ZNF385D: variants seen among roughly 807,000 people sequenced by gnomAD.
ZNF385D encodes zinc finger protein 385D.
Under a neutral mutation model 35.8 loss-of-function variants are expected in ZNF385D, and 15 were observed. The ratio of observed to expected loss-of-function variants is 0.42; its 90% CI spans 0.28 to 0.64. The LOEUF (loss-of-function observed/expected upper bound fraction) is 0.64. Among genes scored for constraint, ZNF385D ranks in the 30% least tolerant of loss-of-function variants. The pLI, the probability that ZNF385D is intolerant of heterozygous loss-of-function variation, is 0.23. For missense variants in ZNF385D, 474 were observed against 494.6 expected (o/e 0.96, Z 0.39); for synonymous variants, 212 against 186.8 (o/e 1.13, Z -1.10).
At chr3:22,023,540 C>T (rs1456196163) in intron 3 of ZNF385D, among the ~76,000 whole-genome samples, 2 of 152,088 alleles carry the variant, frequency 1.3e-5, no homozygotes, top group African/African-American at 4.8e-5. Flanking sequence ...TGTTACAATG[C>T]TTCTTCCCTC....
chr3:21,601,023 C>T (rs1409093754), intron 2 of ZNF385D, among the ~76,000 whole-genome samples: 1 of 151,828 alleles, frequency 6.6e-6, no homozygotes, highest in Non-Finnish European at 1.5e-5. Flanking sequence ...GCCTATGGAA[C>T]ACTTACTATT....
intron 1 of ZNF385D, among the ~76,000 whole-genome samples, chr3:21,741,914 T>C (rs556240410): frequency 1.3e-5 from 2 of 152,232 alleles, no homozygotes; most frequent in African/African-American, 4.8e-5. Context: ...AAGAATAGAT[T>C]AGATGTGGCC....
At chr3:21,544,725 GCTT>G (rs2062310387) in intron 3 of ZNF385D, among the ~76,000 whole-genome samples, 1 of 152,108 alleles carries the variant, frequency 6.6e-6, no homozygotes, top group Admixed American at 6.5e-5. Context: ...AAAGGTTTTT[GCTT>G]CTTTAAAATT....
chr3:22,153,181 T>C (rs9847796), intron 3 of ZNF385D, among the ~76,000 whole-genome samples: 3,441 of 152,262 alleles, frequency 0.023, 137 homozygotes, highest in African/African-American at 0.079. Flanking sequence ...GTTTTCTTGC[T>C]TTGGGAATGG....
chr3:21,716,590 G>A (rs761117790), intron 1 of ZNF385D, among the ~76,000 whole-genome samples: 17 of 152,084 alleles, frequency 1.1e-4, no homozygotes, highest in African/African-American at 1.9e-4. Context: ...TTGATTTCTC[G>A]GCTTCTTAAT....
chr3:21,463,272 A>AT (rs1703298349), intron 4 of ZNF385D, among the ~76,000 whole-genome samples: 1 of 152,102 alleles, frequency 6.6e-6, no homozygotes, highest in Non-Finnish European at 1.5e-5. Flanking sequence ...TGTGGCTTTT[A>AT]TAAAAAAAAA....
At chr3:22,090,553 G>GA (rs1701276262) in intron 3 of ZNF385D, among the ~76,000 whole-genome samples, 1 of 151,986 alleles carries the variant, frequency 6.6e-6, no homozygotes, top group African/African-American at 2.4e-5. Context: ...AAGGGTCAGA[G>GA]AGCCACCATG....
chr3:21,586,435 CAGG>C lies in ZNF385D; in HGVS notation c.166-21754_166-21752del, dbSNP rs757027374. Among the ~76,000 whole-genome samples the C allele has an allele frequency of 4.2e-5, 6 of 143,866 alleles. No homozygotes were observed. The South Asian group carries it at 7.8e-4, about 19-fold the overall frequency. 94.4% of individuals were successfully genotyped at this position (143,866 alleles called of 152,430 possible). A position where few individuals can be genotyped will look rare whatever the true frequency, so the allele number is the denominator to read the frequency against. ...CTTCAGATACTGAGGGCCAAATAAA[CAGG>C]AGAAGTTATTAGACTCCTATGCTGT... On this transcript the variant is annotated intron_variant, in intron 2 of 7. Transcript: ENST00000281523.
chr3:21,900,032 A>T (rs1327125414), intron 3 of ZNF385D, among the ~76,000 whole-genome samples: 1 of 152,128 alleles, frequency 6.6e-6, no homozygotes, highest in Admixed American at 6.6e-5. Context: ...CCCTATGTTC[A>T]AAAAAAGCAC....
intron 3 of ZNF385D, among the ~76,000 whole-genome samples, chr3:21,906,123 G>T (rs985229368): frequency 6.6e-6 from 1 of 152,126 alleles, no homozygotes; most frequent in Admixed American, 6.5e-5. Flanking sequence ...ACAACATTTT[G>T]CAAGGCTATC....
chr3:21,694,042 CTTTTTTTT>C (rs35586361), intron 1 of ZNF385D, among the ~76,000 whole-genome samples: 1 of 22,178 alleles, frequency 4.5e-5, no homozygotes, highest in African/African-American at 2.1e-4. Context: ...CTACGCCTGG[CTTTTTTTT>C]TTTTTTTTTT....
intron 3 of ZNF385D, among the ~76,000 whole-genome samples, chr3:21,838,228 T>C (rs115436080): frequency 0.012 from 1,831 of 152,152 alleles, 39 homozygotes; most frequent in African/African-American, 0.042. Flanking sequence ...GAAGATTGCC[T>C]GGGGAGACAA....
At chr3:21,928,639 A>C (rs1700863411) in intron 3 of ZNF385D, among the ~76,000 whole-genome samples, 1 of 152,206 alleles carries the variant, frequency 6.6e-6, no homozygotes, top group Non-Finnish European at 1.5e-5. Flanking sequence ...TAGATTACCA[A>C]ATTGAGGAAT....
intron 4 of ZNF385D, among the ~76,000 whole-genome samples, chr3:21,473,903 C>T (rs1157198379): frequency 6.6e-6 from 1 of 151,886 alleles, no homozygotes; most frequent in Non-Finnish European, 1.5e-5. Flanking sequence ...TTAACATAAA[C>T]TATAATTTAT....
chr3:22,263,176 A>T (rs1448155879), intron 2 of ZNF385D, among the ~76,000 whole-genome samples: 1 of 151,910 alleles, frequency 6.6e-6, no homozygotes, highest in Non-Finnish European at 1.5e-5. Context: ...CAGATTAAAA[A>T]TAAGATTCTG....
At chr3:22,352,421 A>G (rs541710991) in intron 2 of ZNF385D, among the ~76,000 whole-genome samples, 1 of 152,340 alleles carries the variant, frequency 6.6e-6, no homozygotes, top group East Asian at 1.9e-4. Flanking sequence ...GTTCCTGTGC[A>G]TGACACGGTG....
At chr3:21,963,410 G>T (rs994458944) in intron 3 of ZNF385D, among the ~76,000 whole-genome samples, 1 of 152,148 alleles carries the variant, frequency 6.6e-6, no homozygotes, top group African/African-American at 2.4e-5. Flanking sequence ...TGTAGTTAAG[G>T]ATAGGGAGGG....
At chr3:21,924,968 G>A (rs1298445597) in intron 3 of ZNF385D, among the ~76,000 whole-genome samples, 1 of 151,992 alleles carries the variant, frequency 6.6e-6, no homozygotes, top group African/African-American at 2.4e-5. Flanking sequence ...TACAGGACTT[G>A]ACTACTAAAA....
At chr3:21,704,807 T>G (rs535322082) in intron 1 of ZNF385D, among the ~76,000 whole-genome samples, 4 of 152,200 alleles carry the variant, frequency 2.6e-5, no homozygotes, top group African/African-American at 9.7e-5. Context: ...AATAAATATC[T>G]ATTACATGAA....
Sources: allele counts gnomAD v4.1 joint callset (sites outside exome capture counted in the v4.1 genomes callset), GRCh38; gene constraint gnomAD v4.1.1; transcripts MANE v1.5; gene names NCBI Gene and HGNC (gene_info 2026-07-23, HGNC 2026-07-21).